The following ODR4 variants were observed in gnomAD, a reference collection of about 807,000 sequenced individuals.
ODR4 encodes the protein odr-4 GPCR localization factor homolog, also known as protein odr-4 homolog.
Under a neutral mutation model 60.2 loss-of-function variants are expected in ODR4, and 47 were observed. That is an observed-to-expected ratio of 0.78 (90% CI 0.62 to 1.00). The LOEUF is 1.00. Among genes scored for constraint, ODR4 ranks in the 50% least tolerant of loss-of-function variants. The probability of loss-of-function intolerance (pLI) is 0.00; values close to 1 mark genes in which losing one functional copy is unlikely to be tolerated. For synonymous variants in ODR4, 178 were observed against 175.5 expected (o/e 1.01, Z -0.11); for missense variants, 488 against 530.8 (o/e 0.92, Z 0.79).
downstream of ODR4, among the ~76,000 whole-genome samples, chr1:186,424,471 C>T (rs1661850483): frequency 6.6e-6 from 1 of 152,142 alleles, no homozygotes; most frequent in African/African-American, 2.4e-5. Context: ...TCTTGATCTT[C>T]ATTTCATTTA....
intron 11 of ODR4, among the ~76,000 whole-genome samples, chr1:186,403,943 C>A (rs1661080487): frequency 6.6e-6 from 1 of 152,164 alleles, no homozygotes; most frequent in East Asian, 1.9e-4. Flanking sequence ...TGATTCCACT[C>A]TCTGAATGGC....
At chr1:186,394,810 A>T (rs889578490) in intron 9 of ODR4, among the ~76,000 whole-genome samples, 1 of 152,186 alleles carries the variant, frequency 6.6e-6, no homozygotes, top group African/African-American at 2.4e-5. Flanking sequence ...CTTTGGGCCT[A>T]TGCCACTCAA....
chr1:186,391,606 C>A, intron 7 of ODR4, 90 bp from the exon 8 acceptor site: 2 of 814,428 alleles, frequency 2.5e-6, no homozygotes, highest in Non-Finnish European at 4.0e-6. Flanking sequence ...TTTAATATTT[C>A]AATTTATTAG....
chr1:186,386,671 T>C (rs1660264261), intron 4 of ODR4, among the ~76,000 whole-genome samples: 1 of 152,194 alleles, frequency 6.6e-6, no homozygotes, highest in Non-Finnish European at 1.5e-5. Flanking sequence ...AGGAAACAAA[T>C]TATAATGCTT....
At chr1:186,418,415 C>G (rs916733195) in intron 13 of ODR4, among the ~76,000 whole-genome samples, 3 of 151,704 alleles carry the variant, frequency 2.0e-5, no homozygotes, top group African/African-American at 7.3e-5. Context: ...CTCAGCCTCC[C>G]GAGTAGCTGG....
chr1:186,426,701 GAA>G, the ODR4 span, among the ~76,000 whole-genome samples: 2 of 152,154 alleles, frequency 1.3e-5, no homozygotes, highest in Non-Finnish European at 2.9e-5. Context: ...TGTAGAGAGA[GAA>G]AGAATTGATG....
chr1:186,401,448 T>A (rs568348215), intron 11 of ODR4: 1 of 268,684 alleles, frequency 3.7e-6, no homozygotes, highest in Non-Finnish European at 7.4e-6. Flanking sequence ...CAAATGACTT[T>A]ATAGGCATCG....
At position 186,420,687 on chromosome 1, in the gene ODR4, A is replaced by G. The variant is rs547979806; in HGVS notation, c.*1611A>G. 1 of 152,300 alleles carries G rather than the reference A, an allele frequency of 6.6e-6. No homozygotes were observed. The highest frequency in any genetic ancestry group is 2.1e-4 in the South Asian group (1 of 4,832). The allele number at this position is 152,300 out of a possible 1,614,324, so 9.4% of individuals were successfully genotyped here. A position where few individuals can be genotyped will look rare whatever the true frequency, so the allele number is the denominator to read the frequency against. ...GAAGAGACAAGTGAACTAAACTATA[A>G]GCTGGATCTAAAGAAATTACCCAGT... On this transcript the variant is annotated 3_prime_UTR_variant, in exon 14 of 14. Transcript: ENST00000287859.
Position 186,390,862 on chromosome 1 carries a change from A to C in ODR4, c.615+11A>C, listed in dbSNP as rs776929590. On this transcript the variant is annotated intron_variant, in intron 7 of 13. Transcript: ENST00000287859. ...GAGAAAAATACAAAGGTACCAGGGT[A>C]AAATGAATTTTCTTCAGTGATTGCT... 18 of 1,606,530 alleles carry C rather than the reference A, an allele frequency of 1.1e-5. No homozygotes were observed. The highest frequency in any genetic ancestry group is 1.4e-5 in the Non-Finnish European group (17 of 1,175,458).
chr1:186,416,134 CA>C (rs1254230290), intron 12 of ODR4, among the ~76,000 whole-genome samples: 1 of 151,904 alleles, frequency 6.6e-6, no homozygotes, highest in Non-Finnish European at 1.5e-5. Context: ...AGAGCTTTTA[CA>C]AAAATAGGTC....
In ODR4 at chr1:186,388,491, TCA is replaced by T; in HGVS notation, c.383_384del (p.Thr128ArgfsTer25). The stretch of plus-strand genomic sequence containing the variant: ...ATAAATAGAAAGAGATTGTGGAATT[TCA>T]CAGAGGAGGAAGTCTCAGAACGAGT... On this transcript the variant is annotated frameshift_variant, in exon 5 of 14. Transcript: ENST00000287859. LOFTEE classifies it high-confidence loss of function. 1 of 1,573,596 alleles carries T rather than the reference TCA, an allele frequency of 6.4e-7. No homozygotes were observed. Among genetic ancestry groups the T allele is most frequent in the Non-Finnish European group, 8.6e-7 (1 of 1,159,116 alleles).
rs376839311 is a variant in ODR4 at position 186,388,463 on chromosome 1, T to G, written c.352T>G (p.Ser118Ala). 1.3e-6 allele frequency: 2 copies of G among 1,560,454 alleles called. No individual in the cohort carries two copies. The highest frequency in any genetic ancestry group is 2.7e-5 in the African/African-American group (2 of 73,478). ...TCAGCTAATGTTTGCTGTGGAAAAG[T>G]CTATAAATAGAAAGAGATTGTGGAA... ...LRRLMFAVEK[S>A]INRKRLWNFT... is the part of the protein sequence containing the mutation. The change falls in exon 5 of 14, where the codon TCT becomes GCT. Residue 118 changes from serine to alanine, a missense_variant. By Grantham distance (99) the Ser-to-Ala change is moderately conservative (BLOSUM62 1). Transcript: ENST00000287859.
At chr1:186,406,822 C>T (rs746490897) in intron 12 of ODR4, among the ~76,000 whole-genome samples, 1 of 151,926 alleles carries the variant, frequency 6.6e-6, no homozygotes, top group Non-Finnish European at 1.5e-5. Context: ...TTTCCCTAGC[C>T]ATCACTTTCA....
the ODR4 span, among the ~76,000 whole-genome samples, chr1:186,428,971 T>A: frequency 6.6e-6 from 1 of 152,190 alleles, no homozygotes; most frequent in Non-Finnish European, 1.5e-5. Context: ...AGGCTGGGCA[T>A]GGTGGCTCAT....
chr1:186,424,319 A>G (rs1244466276), downstream of ODR4, among the ~76,000 whole-genome samples: 1 of 152,228 alleles, frequency 6.6e-6, no homozygotes, highest in Non-Finnish European at 1.5e-5. Context: ...AAAGAAACCT[A>G]AACTGTATTA....
chr1:186,430,243 T>C, the ODR4 span, among the ~76,000 whole-genome samples: 4 of 152,094 alleles, frequency 2.6e-5, no homozygotes, highest in African/African-American at 9.7e-5. Context: ...TTTGTAAAAA[T>C]ATAGGTATTT....
In ODR4 at chr1:186,388,453, T is replaced by G; in HGVS notation, c.342T>G (p.Ala114=). 3.2e-6 allele frequency: 5 copies of G among 1,539,868 alleles called. No individual in the cohort carries two copies. The highest frequency in any genetic ancestry group is 4.4e-6 in the Non-Finnish European group (5 of 1,142,206). The part of the protein sequence containing the change: ...FQNALRRLMF[A]VEKSINRKRL... ...TTTCTCTCTTTCAGCTAATGTTTGCTGTGGAAAAGTCTATAAATAGAAAGA... is the reference window on the plus strand; with the variant it reads ...TTTCTCTCTTTCAGCTAATGTTTGCGGTGGAAAAGTCTATAAATAGAAAGA... Residue 114 remains alanine (A), a synonymous_variant, in exon 5 of 14, where the codon GCT becomes GCG. Transcript: ENST00000287859.
intron 3 of ODR4, among the ~76,000 whole-genome samples, chr1:186,385,495 C>G (rs1660219721): frequency 2.6e-5 from 4 of 151,378 alleles, no homozygotes; most frequent in Admixed American, 2.0e-4. Context: ...CTCAAGCTGC[C>G]TTTGAAGTAT....
At chr1:186,407,675 C>T (rs1661220855) in intron 12 of ODR4, among the ~76,000 whole-genome samples, 1 of 152,132 alleles carries the variant, frequency 6.6e-6, no homozygotes, top group Non-Finnish European at 1.5e-5. Flanking sequence ...GTACCACTTC[C>T]TCACTGAGAC....
Sources: gnomAD v4.1 joint callset for allele counts (sites outside exome capture counted in the v4.1 genomes callset) on GRCh38, gnomAD v4.1.1 for gene constraint, MANE v1.5 for transcripts, NCBI Gene and HGNC (gene_info 2026-07-23, HGNC 2026-07-21) for gene names.